CARS2: variants seen among roughly 807,000 people sequenced by gnomAD.
CARS2 encodes the protein cysteinyl-tRNA synthetase 2, mitochondrial.
CARS2 carries 52 observed loss-of-function variants against 68.8 expected under a neutral mutation model. That is an observed-to-expected ratio of 0.76 (90% CI 0.61 to 0.95). CARS2 has a LOEUF of 0.95. Ranked by LOEUF, CARS2 falls within the 40% of genes least tolerant of loss-of-function variation. The pLI is 0.00. For missense variants in CARS2, 780 were observed against 754.2 expected, an observed-to-expected ratio of 1.03 and a Z score of -0.40; for synonymous variants, 314 against 303.6, an observed-to-expected ratio of 1.03 and a Z score of -0.36.
At chr13:110,642,240 G>A (rs1887439295) in intron 14 of CARS2, 75 bp downstream of exon 14, 1 of 1,146,652 alleles carries the variant, frequency 8.7e-7, no homozygotes, top group South Asian at 1.4e-5. Context: ...GGATGTCTGG[G>A]CCTCTGATGG....
At chr13:110,689,144 C>T (rs946711955) in intron 3 of CARS2, among the ~76,000 whole-genome samples, 7 of 152,204 alleles carry the variant, frequency 4.6e-5, no homozygotes, top group Non-Finnish European at 1.0e-4. Flanking sequence ...AGACTAGGTT[C>T]GCTCATGTTA....
At chr13:110,695,262 C>T (rs1262691215) in intron 3 of CARS2, among the ~76,000 whole-genome samples, 1 of 152,074 alleles carries the variant, frequency 6.6e-6, no homozygotes, top group Non-Finnish European at 1.5e-5. Flanking sequence ...GCCTGGGTAA[C>T]AGAGTGAGAC....
chr13:110,706,138 CG>C, upstream of CARS2: 2 of 1,266,788 alleles, frequency 1.6e-6, no homozygotes, highest in African/African-American at 1.6e-5. Context: ...GGAGCCACGC[CG>C]GGTACGCTGC....
At position 110,676,941 on chromosome 13, in the gene CARS2, GC is replaced by G; in HGVS notation, c.785+32del. The stretch of plus-strand genomic sequence containing the variant: ...CTGAGCAGGCACCAGGGGAACTTGA[GC>G]CCCAACCCCCAGGAAGCGGCAGGCA... On this transcript the variant is annotated intron_variant, in intron 7 of 14. Transcript: ENST00000257347. The surrounding 1 kb of genome is among the most constrained non-coding windows in gnomAD (Gnocchi z 4.0). 1 of 1,499,352 alleles carries G rather than the reference GC, an allele frequency of 6.7e-7. No individual in the cohort carries two copies. 92.9% of individuals were successfully genotyped at this position (1,499,352 alleles called of 1,614,324 possible).
intron 3 of CARS2, among the ~76,000 whole-genome samples, chr13:110,692,306 C>T (rs1405761699): frequency 1.3e-5 from 2 of 151,622 alleles, no homozygotes; most frequent in Non-Finnish European, 2.9e-5. Flanking sequence ...CCCGTCTCTA[C>T]TAAAAATACA....
intron 3 of CARS2, among the ~76,000 whole-genome samples, chr13:110,695,992 T>C (rs1432476012): frequency 6.6e-6 from 1 of 152,154 alleles, no homozygotes; most frequent in Admixed American, 6.6e-5. Context: ...TGTGCTCTCA[T>C]TGTTCAACTC....
intron 13 of CARS2, chr13:110,643,959 C>G: frequency 2.5e-6 from 1 of 407,446 alleles, no homozygotes; most frequent in Non-Finnish European, 4.3e-6. Flanking sequence ...GCAGGTGACT[C>G]GTGCCTGTCG....
chr13:110,656,848 C>T (rs2062382958), intron 9 of CARS2, among the ~76,000 whole-genome samples: 2 of 151,300 alleles, frequency 1.3e-5, no homozygotes, highest in Admixed American at 1.3e-4. Context: ...TGTGCCACTG[C>T]ACTCCAGCCT....
chr13:110,682,862 C>T (rs766387485), intron 6 of CARS2, among the ~76,000 whole-genome samples, 189 bp downstream of exon 6: 24 of 152,260 alleles, frequency 1.6e-4, no homozygotes, highest in African/African-American at 5.1e-4. Context: ...CCCCACTTGC[C>T]GTTTGAACTA....
intron 3 of CARS2, among the ~76,000 whole-genome samples, chr13:110,693,024 C>T (rs1325918565): frequency 3.4e-5 from 5 of 145,150 alleles, no homozygotes; most frequent in African/African-American, 7.7e-5. Flanking sequence ...GCAGGAGAAT[C>T]GCTTGAACTC....
At chr13:110,649,314 A>C (rs1243827580) in intron 10 of CARS2, 4 of 152,282 alleles carry the variant, frequency 2.6e-5, no homozygotes, top group Non-Finnish European at 5.9e-5. Flanking sequence ...TTGCAGTAGA[A>C]AGCCAACGAC....
At chr13:110,699,080 C>A (rs891006278) in intron 3 of CARS2, among the ~76,000 whole-genome samples, 3 of 152,182 alleles carry the variant, frequency 2.0e-5, no homozygotes, top group Non-Finnish European at 4.4e-5. Context: ...TTCTTTCTCT[C>A]CCCTTGACCT....
At chr13:110,691,839 G>A (rs946046172) in intron 3 of CARS2, among the ~76,000 whole-genome samples, 2 of 151,750 alleles carry the variant, frequency 1.3e-5, no homozygotes, top group Non-Finnish European at 2.9e-5. Flanking sequence ...AGGGTTAGGG[G>A]GTGCAGGGAG....
At chr13:110,688,260 G>A (rs1469174748) in intron 3 of CARS2, among the ~76,000 whole-genome samples, 1 of 152,158 alleles carries the variant, frequency 6.6e-6, no homozygotes, top group Admixed American at 6.5e-5. Context: ...GGTTAGAGAA[G>A]AAATAATGTC....
In CARS2 at chr13:110,641,474, G is replaced by A. The variant is rs1017566073; in HGVS notation, c.*63C>T. 110 of 1,336,550 alleles carry A rather than the reference G, an allele frequency of 8.2e-5. No homozygotes were observed. Among genetic ancestry groups the A allele is most frequent in the Non-Finnish European group, 1.2e-4 (107 of 926,610 alleles). 82.8% of individuals were successfully genotyped at this position (1,336,550 alleles called of 1,614,324 possible). On this transcript the variant is annotated 3_prime_UTR_variant, in exon 15 of 15. Coordinates refer to ENST00000257347, the MANE Select transcript of CARS2 (RefSeq NM_024537.4). Reference sequence around the variant, plus strand: ...CCCCGACAGGAAGCTTTAACATAAAGCCTTGACCCTGAGAAGCATGGGTGC... The same window carrying A: ...CCCCGACAGGAAGCTTTAACATAAAACCTTGACCCTGAGAAGCATGGGTGC...
chr13:110,642,377 G>A lies in CARS2; in HGVS notation c.1561C>T (p.Pro521Ser), dbSNP rs767008467. 1.1e-5 allele frequency: 17 copies of A among 1,561,614 alleles called. No individual in the cohort carries two copies. Among genetic ancestry groups the A allele is most frequent in the Non-Finnish European group, 1.4e-5 (16 of 1,152,628 alleles). The part of the protein sequence containing the change: ...ARRQQLLERQ[P>S]LLEACDTLRR... ...AGGGTGTCGCATGCTTCCAGCAGGG[G>A]CTGCCTTTCTAGGAGCTGCTGCCGC... The change falls in exon 14 of 15, where the codon CCC (proline) becomes TCC (serine). Residue 521 changes from proline (P) to serine (S), a missense_variant. Coordinates refer to ENST00000257347, the MANE Select transcript of CARS2 (RefSeq NM_024537.4).
intron 8 of CARS2, among the ~76,000 whole-genome samples, chr13:110,667,083 C>T (rs1463401007): frequency 6.6e-6 from 1 of 152,216 alleles, no homozygotes; most frequent in Non-Finnish European, 1.5e-5. Context: ...AATAGTTTTA[C>T]TTGAAAGAAA....
intron 14 of CARS2, 64 bp downstream of exon 14, chr13:110,642,251 C>T (rs1269806067): frequency 2.3e-6 from 3 of 1,292,108 alleles, no homozygotes; most frequent in African/African-American, 1.5e-5. Flanking sequence ...CCTCTGATGG[C>T]CCCACGTCCT....
At position 110,670,353 on chromosome 13, in the gene CARS2, G is replaced by T. The variant is rs952549210; in HGVS notation, c.786-2880C>A. On this transcript the variant is annotated intron_variant, in intron 7 of 14. Coordinates refer to ENST00000257347, the MANE Select transcript of CARS2 (RefSeq NM_024537.4). This position sits in a 1 kb window ranked among gnomAD's most constrained non-coding sequence, Gnocchi z 4.1. ...CATACAGCCAGGTGCCCTCTGAGAC[G>T]AAGCTTCCAGAGGAAGGATCATGCA... Among the ~76,000 whole-genome samples, 1 of 152,176 alleles carries T rather than the reference G, an allele frequency of 6.6e-6. No homozygotes were observed. Among genetic ancestry groups the T allele is most frequent in the African/African-American group, 2.4e-5 (1 of 41,436 alleles).
Sources: allele counts gnomAD v4.1 joint callset (sites outside exome capture counted in the v4.1 genomes callset), GRCh38; gene constraint gnomAD v4.1.1; non-coding constraint Gnocchi (gnomAD v3.1); transcripts MANE v1.5; gene names NCBI Gene and HGNC (gene_info 2026-07-23, HGNC 2026-07-21).